SYT2: variants seen among roughly 807,000 people sequenced by gnomAD.
SYT2 encodes the protein synaptotagmin 2.
In SYT2, 15 loss-of-function variants were observed where a neutral mutation model predicts 39.9. That is an observed-to-expected ratio of 0.38 (90% CI 0.25 to 0.58). The LOEUF is 0.58. Among genes scored for constraint, SYT2 ranks in the 20% least tolerant of loss-of-function variants. The probability of loss-of-function intolerance (pLI) is 0.70; values close to 1 mark genes in which losing one functional copy is unlikely to be tolerated. For missense variants in SYT2, 389 were observed against 530.3 expected, an observed-to-expected ratio of 0.73 and a Z score of 2.62; for synonymous variants, 181 against 204.5, an observed-to-expected ratio of 0.89 and a Z score of 0.98.
intron 1 of SYT2, among the ~76,000 whole-genome samples, chr1:202,670,751 G>A (rs1289715112): frequency 6.6e-6 from 1 of 152,250 alleles, no homozygotes; most frequent in East Asian, 1.9e-4. Flanking sequence ...GGAGCAGCAT[G>A]AAAGGAAGGT....
rs1374663455 is a variant in SYT2 at position 202,596,419 on chromosome 1, G to T, written c.*338C>A. On this transcript the variant is annotated 3_prime_UTR_variant, in exon 9 of 9. Transcript: ENST00000367268. ...TTGGTCCAGAAGGCTCAAAAAACAG[G>T]AACTGCTGCAAGTTTGTGCCAGTAG... 8.3e-6 allele frequency: 2 copies of T among 240,754 alleles called. No individual in the cohort carries two copies. The highest frequency in any genetic ancestry group is 2.3e-5 in the African/African-American group (1 of 43,616). The allele number at this position is 240,754 out of a possible 1,614,324, so 14.9% of individuals were successfully genotyped here. A position where few individuals can be genotyped will look rare whatever the true frequency, so the allele number is the denominator to read the frequency against.
intron 1 of SYT2, among the ~76,000 whole-genome samples, chr1:202,658,304 T>C (rs1291168586): frequency 6.6e-6 from 1 of 152,134 alleles, no homozygotes; most frequent in Non-Finnish European, 1.5e-5. Context: ...CAGCTAAAAG[T>C]GCCCTGGATG....
At chr1:202,666,367 C>T (rs2149107660) in intron 1 of SYT2, among the ~76,000 whole-genome samples, 2 of 152,160 alleles carry the variant, frequency 1.3e-5, no homozygotes, top group South Asian at 4.2e-4. Flanking sequence ...AAGAAGATTC[C>T]CAACCAGGAA....
intron 1 of SYT2, among the ~76,000 whole-genome samples, chr1:202,689,691 C>T (rs937345589): frequency 1.3e-5 from 2 of 152,090 alleles, no homozygotes; most frequent in Non-Finnish European, 2.9e-5. Context: ...TTAACTCATT[C>T]TCTGTCCAGC....
In SYT2 at chr1:202,606,493, C is replaced by G. The variant is rs112249435; in HGVS notation, c.-17-704G>C. 2.2e-4 allele frequency among the ~76,000 whole-genome samples: 33 copies of G among 152,342 alleles called. 2 individuals are homozygous for G. The highest frequency in any genetic ancestry group is 7.9e-4 in the African/African-American group (33 of 41,572). ...TCCATGACACTTGACTCTCCTCATC[C>G]CTGACTCCAATTCCTCCTCCTGCCC... On this transcript the variant is annotated intron_variant, in intron 1 of 8. Coordinates refer to ENST00000367268, the MANE Select transcript of SYT2 (RefSeq NM_177402.5).
At chr1:202,680,732 G>T (rs758176848) in intron 1 of SYT2, among the ~76,000 whole-genome samples, 1 of 152,150 alleles carries the variant, frequency 6.6e-6, no homozygotes, top group Non-Finnish European at 1.5e-5. Flanking sequence ...AACATTCCCA[G>T]AGAGTTGAAG....
At chr1:202,661,577 C>A (rs764272587) in intron 1 of SYT2, among the ~76,000 whole-genome samples, 1 of 152,192 alleles carries the variant, frequency 6.6e-6, no homozygotes, top group Non-Finnish European at 1.5e-5. Context: ...GCAGCCTTCA[C>A]ACAGCCTGGC....
intron 1 of SYT2, among the ~76,000 whole-genome samples, chr1:202,678,822 C>G (rs892502661): frequency 1.3e-5 from 2 of 152,212 alleles, no homozygotes; most frequent in African/African-American, 4.8e-5. Flanking sequence ...ACATGCATCT[C>G]TTCTTCCCAA....
chr1:202,632,681 A>G (rs1225670708), intron 1 of SYT2: 1 of 681,284 alleles, frequency 1.5e-6, no homozygotes, highest in Non-Finnish European at 1.8e-6. Context: ...AGGAATCCAG[A>G]GCCCACCTGC....
chr1:202,677,995 C>T (rs1016713169), intron 1 of SYT2, among the ~76,000 whole-genome samples: 5 of 152,076 alleles, frequency 3.3e-5, no homozygotes, highest in Non-Finnish European at 7.4e-5. Flanking sequence ...TGATTGGGGC[C>T]AGGCACAATG....
chr1:202,696,786 T>C (rs1008955182), intron 1 of SYT2, among the ~76,000 whole-genome samples: 2 of 152,218 alleles, frequency 1.3e-5, no homozygotes, highest in Non-Finnish European at 2.9e-5. Flanking sequence ...ATCATGAATT[T>C]TCCTTCTCTA....
intron 1 of SYT2, chr1:202,627,393 C>T: frequency 1.0e-6 from 1 of 969,908 alleles, no homozygotes; most frequent in Non-Finnish European, 1.2e-6. Flanking sequence ...CCAACTCTGG[C>T]AACCTCCGTC....
At chr1:202,682,098 C>T (rs896854980) in intron 1 of SYT2, among the ~76,000 whole-genome samples, 4 of 152,208 alleles carry the variant, frequency 2.6e-5, no homozygotes, top group Non-Finnish European at 4.4e-5. Context: ...CTGTAGCTCC[C>T]TGGGTCCCTG....
intron 1 of SYT2, among the ~76,000 whole-genome samples, chr1:202,695,192 A>G (rs925090386): frequency 6.6e-6 from 1 of 152,350 alleles, no homozygotes; most frequent in Admixed American, 6.5e-5. Context: ...ATCTGCAGAC[A>G]GACACAAGCA....
At chr1:202,604,855 T>A (rs576748605) in intron 2 of SYT2, among the ~76,000 whole-genome samples, 1 of 143,696 alleles carries the variant, frequency 7.0e-6, no homozygotes, top group East Asian at 2.1e-4. Flanking sequence ...CCTACTGTCC[T>A]TGTTGGTATA....
At chr1:202,689,200 G>C (rs1267057297) in intron 1 of SYT2, among the ~76,000 whole-genome samples, 1 of 152,150 alleles carries the variant, frequency 6.6e-6, no homozygotes, top group Non-Finnish European at 1.5e-5. Flanking sequence ...CCTAAGGAAG[G>C]GAAGGAGATT....
intron 1 of SYT2, among the ~76,000 whole-genome samples, chr1:202,652,721 G>A (rs529156826): frequency 1.3e-5 from 2 of 152,336 alleles, no homozygotes; most frequent in South Asian, 4.1e-4. Context: ...AGCCAAGGGT[G>A]AGAGGACTGC....
At chr1:202,687,846 C>A (rs556935258) in intron 1 of SYT2, among the ~76,000 whole-genome samples, 1 of 152,130 alleles carries the variant, frequency 6.6e-6, no homozygotes, top group Non-Finnish European at 1.5e-5. Context: ...TAAAAGCCAC[C>A]CTTTTTCTCC....
chr1:202,600,619 A>G, intron 6 of SYT2, 145 bp from the exon 7 acceptor site: 2 of 687,286 alleles, frequency 2.9e-6, no homozygotes, highest in Non-Finnish European at 2.5e-6. Context: ...GATGGCCGAG[A>G]AGGTCTTCCA....
Sources: gnomAD v4.1 joint callset for allele counts (sites outside exome capture counted in the v4.1 genomes callset) on GRCh38, gnomAD v4.1.1 for gene constraint, MANE v1.5 for transcripts, NCBI Gene and HGNC (gene_info 2026-07-23, HGNC 2026-07-21) for gene names.